Variants in DGUOK observed in about 807,000 individuals in gnomAD.
DGUOK encodes the protein deoxyguanosine kinase.
DGUOK carries 30 observed loss-of-function variants against 36.6 expected under a neutral mutation model. That is an observed-to-expected ratio of 0.82 (90% confidence interval 0.61 to 1.11). The LOEUF (loss-of-function observed/expected upper bound fraction) is 1.11, where lower values mean the gene tolerates loss of function less well. Ranked by LOEUF, DGUOK falls within the 50% of genes most tolerant of loss-of-function variation. The probability of loss-of-function intolerance (pLI) is 0.00; values close to 1 mark genes in which losing one functional copy is unlikely to be tolerated. For missense variants in DGUOK, 361 were observed against 336.4 expected (o/e 1.07, Z -0.57); for synonymous variants, 145 against 126.3 (o/e 1.15, Z -0.99).
chr2:73,956,979 G>GGACGTGT, intron 4 of DGUOK, 146 bp from the exon 5 acceptor site: 1 of 504,066 alleles, frequency 2.0e-6, no homozygotes, highest in Non-Finnish European at 3.7e-6. Context: ...TCCTCTGATT[G>GGACGTGT]CATAAGAAAA....
intron 4 of DGUOK, among the ~76,000 whole-genome samples, chr2:73,955,645 C>T (rs1558667029): frequency 6.6e-6 from 1 of 152,106 alleles, no homozygotes; most frequent in Non-Finnish European, 1.5e-5. Context: ...GAAGCCGAAG[C>T]GGGCAGATCA....
chr2:73,937,831 G>A (rs922645713), intron 1 of DGUOK, among the ~76,000 whole-genome samples: 2 of 152,094 alleles, frequency 1.3e-5, no homozygotes, highest in Non-Finnish European at 2.9e-5. Flanking sequence ...AATATTTCTC[G>A]AAACAACCAC....
intron 5 of DGUOK, among the ~76,000 whole-genome samples, chr2:73,957,549 C>A (rs1056029808): frequency 6.6e-6 from 1 of 152,156 alleles, no homozygotes; most frequent in Non-Finnish European, 1.5e-5. Context: ...TGTCAGGCGC[C>A]TGTAATACCA....
intron 1 of DGUOK, chr2:73,932,628 C>A: frequency 7.7e-7 from 1 of 1,298,392 alleles, no homozygotes; most frequent in Non-Finnish European, 1.0e-6. Flanking sequence ...AGAATGAGAG[C>A]ACCCATTCAG....
Position 73,957,118 on chromosome 2 carries a change from C to G in DGUOK, c.592-7C>G. ...GAGCTCATCAGGGCTTGGGGACTGT[C>G]TTTTAGGTTTGTTTGAAGAGACTGT... On this transcript the variant is annotated splice_polypyrimidine_tract_variant and splice_region_variant and intron_variant, in intron 4 of 6. Coordinates refer to ENST00000264093, the MANE Select transcript of DGUOK (RefSeq NM_080916.3). 6.2e-7 allele frequency: 1 copy of G among 1,610,172 alleles called. No individual in the cohort carries two copies. Among genetic ancestry groups the G allele is most frequent in the Non-Finnish European group, 8.5e-7 (1 of 1,176,628 alleles).
Position 73,946,824 on chromosome 2 carries a change from G to A in DGUOK, c.361G>A (p.Val121Ile), listed in dbSNP as rs756158114. The change falls in exon 3 of 7, where the codon GTA becomes ATA. Residue 121 changes from valine to isoleucine, a missense_variant. Coordinates refer to ENST00000264093, the MANE Select transcript of DGUOK (RefSeq NM_080916.3). ...ATTTTCCTTTTTGAGCCGCCTGAAA[G>A]TACAGCTGGAGCCCTTCCCTGAGAA... ...QTFSFLSRLK[V>I]QLEPFPEKLL... The A allele has an allele frequency of 1.9e-6, 3 of 1,614,018 alleles. No individual in the cohort carries two copies. The highest frequency in any genetic ancestry group is 2.2e-5 in the East Asian group (1 of 44,884).
In DGUOK at chr2:73,927,361, G is replaced by GT. The variant is rs1167828115; in HGVS notation, c.142+312dup. Among the ~76,000 whole-genome samples, 19 of 152,338 alleles carry GT rather than the reference G, an allele frequency of 1.2e-4. 1 individual carries two copies. The Middle Eastern group carries it at 0.014, about 109-fold the overall frequency. ...GAAATTGAAGCGACAAGCGGGTGCA[G>GT]TTTATTTGTTCTCCTAGATAGGGTT... is the stretch of plus-strand genomic sequence containing the variant. On this transcript the variant is annotated intron_variant, in intron 1 of 6. Coordinates refer to ENST00000264093, the MANE Select transcript of DGUOK (RefSeq NM_080916.3).
rs1681699506 is a variant in DGUOK, at chr2:73,939,021, A to G, written c.254A>G (p.Lys85Arg). 1 of 1,611,636 alleles carries G rather than the reference A, an allele frequency of 6.2e-7. No homozygotes were observed. Among genetic ancestry groups the G allele is most frequent in the Non-Finnish European group, 8.5e-7 (1 of 1,177,764 alleles). ...WQNIQAAGTQ[K>R]ACTAQSLGNL... The stretch of plus-strand genomic sequence containing the variant: ...AATATCCAGGCTGCTGGCACCCAAA[A>G]AGTAAGTTTTTAGTTGTGGTGGGTA... Residue 85 changes from lysine to arginine, a missense_variant and splice_region_variant, in exon 2 of 7, where the codon AAA becomes AGA. Transcript: ENST00000264093.
intron 3 of DGUOK, 138 bp from the exon 4 acceptor site, chr2:73,950,444 TGAG>T (rs1682623029): frequency 1.2e-6 from 1 of 847,296 alleles, no homozygotes; most frequent in Non-Finnish European, 2.0e-6. Flanking sequence ...TAAGGATTGA[TGAG>T]GAGCTAGAAA....
rs187155558 is a variant in DGUOK, at chr2:73,946,570, A to G, written c.256-149A>G. On this transcript the variant is annotated intron_variant, in intron 2 of 6. Coordinates refer to ENST00000264093, the MANE Select transcript of DGUOK (RefSeq NM_080916.3). ...TTGACTAAGCTGGGGATCTGATTCT[A>G]CCTTTTTGGTGGAAGGAAACTTTTG... 253 of 753,878 alleles carry G rather than the reference A, an allele frequency of 3.4e-4. 1 individual carries two copies. Among genetic ancestry groups the G allele is most frequent in the South Asian group, 8.8e-4 (56 of 63,728 alleles). The allele number at this position is 753,878 out of a possible 1,614,324, so 46.7% of individuals were successfully genotyped here.
intron 1 of DGUOK, chr2:73,932,759 G>A: frequency 2.7e-6 from 2 of 741,936 alleles, no homozygotes; most frequent in South Asian, 1.9e-5. Flanking sequence ...GCAGACAGCG[G>A]CATGTAAGGA....
At position 73,927,454 on chromosome 2, in the gene DGUOK, A is replaced by G. The variant is rs1430243506; in HGVS notation, c.142+402A>G. Reference sequence around the variant, plus strand: ...GAATTTAAGATAACGAATAATTTTTAGTGTGTGTCCAATGCAATATTTGGG... The same window carrying G: ...GAATTTAAGATAACGAATAATTTTTGGTGTGTGTCCAATGCAATATTTGGG... On this transcript the variant is annotated intron_variant, in intron 1 of 6. Transcript: ENST00000264093. Among the ~76,000 whole-genome samples, 2 of 152,248 alleles carry G rather than the reference A, an allele frequency of 1.3e-5. 1 individual carries two copies. Among genetic ancestry groups the G allele is most frequent in the East Asian group, 3.8e-4 (2 of 5,200 alleles).
chr2:73,927,187 C>A (rs1680664215), intron 1 of DGUOK, 135 bp downstream of exon 1: 2 of 1,251,336 alleles, frequency 1.6e-6, no homozygotes, highest in South Asian at 1.3e-5. Flanking sequence ...GAGAGCCTTT[C>A]CCCTCGCAAA....
intron 2 of DGUOK, among the ~76,000 whole-genome samples, chr2:73,946,203 A>G (rs1682293497): frequency 6.6e-6 from 1 of 152,250 alleles, no homozygotes; most frequent in Non-Finnish European, 1.5e-5. Context: ...TGTACTCCTT[A>G]TATGAAAGAT....
At chr2:73,957,302 A>G in intron 5 of DGUOK, 62 bp downstream of exon 5, 2 of 1,304,912 alleles carry the variant, frequency 1.5e-6, no homozygotes, top group Middle Eastern at 1.8e-4. Flanking sequence ...CCAGTTGTTA[A>G]AAACAAGTTC....
intron 1 of DGUOK, among the ~76,000 whole-genome samples, chr2:73,932,069 A>G (rs1398158986): frequency 2.6e-5 from 4 of 152,128 alleles, no homozygotes; most frequent in African/African-American, 4.8e-5. Flanking sequence ...ACAGATTGGA[A>G]TATGTGCCTG....
intron 3 of DGUOK, among the ~76,000 whole-genome samples, chr2:73,949,956 C>A (rs1459333839): frequency 3.3e-5 from 5 of 152,188 alleles, no homozygotes; most frequent in Admixed American, 2.6e-4. Flanking sequence ...GCAGAGGAAG[C>A]AAGCAAGCAG....
chr2:73,954,015 G>GC (rs1682907902), intron 4 of DGUOK, among the ~76,000 whole-genome samples: 1 of 151,996 alleles, frequency 6.6e-6, no homozygotes, highest in South Asian at 2.1e-4. Flanking sequence ...ACCGCGTCTG[G>GC]CCCCCTAACT....
chr2:73,941,587 G>C (rs1681906595), intron 2 of DGUOK, among the ~76,000 whole-genome samples: 1 of 152,102 alleles, frequency 6.6e-6, no homozygotes, highest in Non-Finnish European at 1.5e-5. Context: ...CCCTTTCACA[G>C]TGATATCATT....
Sources: gnomAD v4.1 joint callset for allele counts (sites outside exome capture counted in the v4.1 genomes callset) on GRCh38, gnomAD v4.1.1 for gene constraint, MANE v1.5 for transcripts, NCBI Gene and HGNC (gene_info 2026-07-23, HGNC 2026-07-21) for gene names.